The following ERBB4 variants were observed in gnomAD, a reference collection of about 807,000 sequenced individuals.
The protein encoded by ERBB4 is erb-b2 receptor tyrosine kinase 4.
ERBB4 carries 42 observed loss-of-function variants against 158.0 expected under a neutral mutation model. That is an observed-to-expected ratio of 0.27 (90% CI 0.21 to 0.34). The LOEUF is 0.34. ERBB4 is among the 10% of genes least tolerant of loss of function. The probability of loss-of-function intolerance (pLI) is 1.00; values close to 1 mark genes in which losing one functional copy is unlikely to be tolerated. For synonymous variants in ERBB4, 583 were observed against 558.7 expected (o/e 1.04, Z -0.61); for missense variants, 1,333 against 1,624.1 (o/e 0.82, Z 3.08).
chr2:211,454,994 C>A (rs1466623693), intron 20 of ERBB4, among the ~76,000 whole-genome samples: 1 of 152,196 alleles, frequency 6.6e-6, no homozygotes, highest in Non-Finnish European at 1.5e-5. Flanking sequence ...TTTAAAAATT[C>A]TATGAACCAT....
At chr2:212,176,125 T>A (rs1377546880) in intron 1 of ERBB4, among the ~76,000 whole-genome samples, 1 of 151,998 alleles carries the variant, frequency 6.6e-6, no homozygotes, top group Non-Finnish European at 1.5e-5. Flanking sequence ...ATGTTCATGA[T>A]CTAGTCTTTG....
intron 19 of ERBB4, among the ~76,000 whole-genome samples, chr2:211,570,282 G>A (rs2067677598): frequency 6.8e-6 from 1 of 146,714 alleles, no homozygotes; most frequent in Non-Finnish European, 1.5e-5. Flanking sequence ...CTCCTGAGTA[G>A]ATGTGATTAC....
At chr2:212,131,806 A>C (rs1448862662) in intron 1 of ERBB4, among the ~76,000 whole-genome samples, 1 of 152,192 alleles carries the variant, frequency 6.6e-6, no homozygotes, top group Admixed American at 6.6e-5. Flanking sequence ...GGTCCAGTGC[A>C]TTTTGCAATG....
At chr2:211,489,476 A>G (rs2065284847) in intron 20 of ERBB4, among the ~76,000 whole-genome samples, 1 of 152,024 alleles carries the variant, frequency 6.6e-6, no homozygotes, top group African/African-American at 2.4e-5. Context: ...AACTTTGAAC[A>G]ATACTAAATG....
intron 25 of ERBB4, 29 bp downstream of exon 25, chr2:211,420,411 AT>A: frequency 6.9e-7 from 1 of 1,454,614 alleles, no homozygotes; most frequent in Non-Finnish European, 9.6e-7. Flanking sequence ...CTCAGAAAGA[AT>A]ATGATATGTG....
intron 19 of ERBB4, among the ~76,000 whole-genome samples, chr2:211,563,332 G>T (rs2067457286): frequency 6.6e-6 from 1 of 152,038 alleles, no homozygotes; most frequent in Non-Finnish European, 1.5e-5. Flanking sequence ...TTTTGCTTTT[G>T]AAAAGCTATG....
intron 20 of ERBB4, among the ~76,000 whole-genome samples, chr2:211,500,093 T>C (rs4672618): frequency 1.3e-5 from 2 of 151,966 alleles, no homozygotes; most frequent in African/African-American, 2.4e-5. Context: ...GGAGATGAAA[T>C]GGTCTTTGAA....
intron 4 of ERBB4, among the ~76,000 whole-genome samples, chr2:211,787,015 C>T (rs1326582984): frequency 6.6e-6 from 1 of 152,168 alleles, no homozygotes; most frequent in Non-Finnish European, 1.5e-5. Flanking sequence ...TTATTAAAAA[C>T]ACAGCTGTCA....
At chr2:212,528,051 G>A (rs908006272) in intron 1 of ERBB4, among the ~76,000 whole-genome samples, 8 of 151,868 alleles carry the variant, frequency 5.3e-5, no homozygotes, top group Non-Finnish European at 1.0e-4. Flanking sequence ...AGGCTTAAAT[G>A]GCAAAGAAAG....
At chr2:212,195,666 C>T (rs967969233) in intron 1 of ERBB4, among the ~76,000 whole-genome samples, 2 of 151,976 alleles carry the variant, frequency 1.3e-5, no homozygotes, top group Admixed American at 6.6e-5. Context: ...TCTTCAAGCA[C>T]ATTAACTTTA....
chr2:212,180,625 T>C (rs544360669), intron 1 of ERBB4, among the ~76,000 whole-genome samples: 2 of 151,844 alleles, frequency 1.3e-5, no homozygotes, highest in Non-Finnish European at 3.0e-5. Flanking sequence ...CAATGGAAGA[T>C]TCAACTTAAA....
At chr2:212,109,271 A>G (rs751997570) in intron 2 of ERBB4, among the ~76,000 whole-genome samples, 1 of 152,094 alleles carries the variant, frequency 6.6e-6, no homozygotes, top group Non-Finnish European at 1.5e-5. Flanking sequence ...CTAACAAGGC[A>G]CTCCATTATG....
chr2:211,783,020 C>T (rs1052949048), intron 4 of ERBB4, among the ~76,000 whole-genome samples: 8 of 51,710 alleles, frequency 1.5e-4, no homozygotes, highest in African/African-American at 8.5e-4. Context: ...GAATGTTCTT[C>T]CATTTGTGTC....
rs1242592512 is a variant in ERBB4, at chr2:212,120,289, T to C, written c.234+4463A>G. ...AACCTAATAGAGAAACTGAATGCTA[T>C]TGGTGACAATTCCAAATCCTCATGG... On this transcript the variant is annotated intron_variant, in intron 2 of 27. Coordinates refer to ENST00000342788, the MANE Select transcript of ERBB4 (RefSeq NM_005235.3). Among the ~76,000 whole-genome samples the C allele has an allele frequency of 3.3e-5, 5 of 152,200 alleles. No individual in the cohort carries two copies. In the East Asian group the frequency reaches 7.7e-4, roughly 23 times the overall value.
chr2:211,432,423 A>C (rs2063763787), intron 20 of ERBB4, among the ~76,000 whole-genome samples: 1 of 152,216 alleles, frequency 6.6e-6, no homozygotes, highest in South Asian at 2.1e-4. Context: ...GATATGGTCT[A>C]ATCAGTCAAC....
At chr2:212,004,932 A>T (rs1176622802) in intron 2 of ERBB4, among the ~76,000 whole-genome samples, 1 of 152,132 alleles carries the variant, frequency 6.6e-6, no homozygotes, top group Non-Finnish European at 1.5e-5. Flanking sequence ...GAACATTGTC[A>T]ATAATTACCT....
intron 1 of ERBB4, among the ~76,000 whole-genome samples, chr2:212,391,399 T>C (rs932708176): frequency 2.0e-5 from 3 of 151,276 alleles, no homozygotes; most frequent in African/African-American, 7.3e-5. Context: ...TCACAGCTGA[T>C]GTTTAATATA....
chr2:211,969,611 C>A (rs2081396780), intron 2 of ERBB4, among the ~76,000 whole-genome samples: 1 of 151,952 alleles, frequency 6.6e-6, no homozygotes, highest in African/African-American at 2.4e-5. Flanking sequence ...GGCTTTAAGG[C>A]TGGGAAGGGT....
chr2:212,214,426 C>T (rs1265691726), intron 1 of ERBB4, among the ~76,000 whole-genome samples: 1 of 151,740 alleles, frequency 6.6e-6, no homozygotes, highest in African/African-American at 2.4e-5. Context: ...GGGACATACA[C>T]TACATTATCT....
Sources: allele counts gnomAD v4.1 joint callset (sites outside exome capture counted in the v4.1 genomes callset), GRCh38; gene constraint gnomAD v4.1.1; transcripts MANE v1.5; gene names NCBI Gene and HGNC (gene_info 2026-07-23, HGNC 2026-07-21).